Variants in FGFR2 observed in about 807,000 individuals in gnomAD.
FGFR2 encodes the protein fibroblast growth factor receptor 2.
A neutral mutation model predicts 95.9 loss-of-function variants in FGFR2; 19 were observed. The observed-to-expected ratio is 0.20, with a 90% CI of 0.14 to 0.29. The LOEUF (loss-of-function observed/expected upper bound fraction) is 0.29, where lower values mean the gene tolerates loss of function less well. Ranked by LOEUF, FGFR2 falls within the 10% of genes least tolerant of loss-of-function variation. FGFR2 has a pLI of 1.00. For synonymous variants in FGFR2, 392 were observed against 393.3 expected (o/e 1.00, Z 0.04); for missense variants, 707 against 1,056.9 (o/e 0.67, Z 4.59).
At chr10:121,528,703 A>C (rs1447252101) in intron 6 of FGFR2, among the ~76,000 whole-genome samples, 1 of 152,198 alleles carries the variant, frequency 6.6e-6, no homozygotes, top group Admixed American at 6.5e-5. Context: ...AGAAACTGAA[A>C]ATAATCACGG....
chr10:121,510,743 A>G (rs1848949227), intron 9 of FGFR2, among the ~76,000 whole-genome samples: 1 of 151,706 alleles, frequency 6.6e-6, no homozygotes, highest in Admixed American at 6.6e-5. Context: ...TTGCCTCAAA[A>G]GTATTGCTAC....
intron 6 of FGFR2, chr10:121,538,263 G>T (rs1398023164): frequency 7.0e-6 from 5 of 713,976 alleles, no homozygotes; most frequent in Non-Finnish European, 1.3e-5. Context: ...GTCTGCTACA[G>T]CACATCTGTA....
At chr10:121,593,160 G>A (rs567839322) in intron 2 of FGFR2, among the ~76,000 whole-genome samples, 1 of 152,256 alleles carries the variant, frequency 6.6e-6, no homozygotes, top group Admixed American at 6.5e-5. Flanking sequence ...GCCACTCTGT[G>A]ATGATGCATT....
At chr10:121,569,216 TTTC>T (rs1258681932) in intron 2 of FGFR2, among the ~76,000 whole-genome samples, 1 of 148,554 alleles carries the variant, frequency 6.7e-6, no homozygotes, top group Non-Finnish European at 1.5e-5. Flanking sequence ...TTTCTTTTCT[TTTC>T]TTTTCTTTTT....
intron 9 of FGFR2, among the ~76,000 whole-genome samples, chr10:121,504,739 G>C (rs1848059172): frequency 2.6e-5 from 4 of 152,278 alleles, no homozygotes; most frequent in Middle Eastern, 3.4e-3. Context: ...GCTCCACCGA[G>C]TTACTTTCTT....
At chr10:121,547,812 G>T (rs1432491995) in intron 5 of FGFR2, among the ~76,000 whole-genome samples, 1 of 152,170 alleles carries the variant, frequency 6.6e-6, no homozygotes, top group African/African-American at 2.4e-5. Flanking sequence ...GACTCTCTGA[G>T]GCAAACGCAG....
intron 9 of FGFR2, among the ~76,000 whole-genome samples, chr10:121,511,385 C>G (rs867650485): frequency 2.0e-5 from 3 of 152,162 alleles, no homozygotes; most frequent in South Asian, 4.1e-4. Context: ...CAACACCGCA[C>G]GTCTCCTAAA....
intron 13 of FGFR2, among the ~76,000 whole-genome samples, chr10:121,496,105 A>G (rs918011879): frequency 4.6e-5 from 7 of 152,110 alleles, no homozygotes; most frequent in African/African-American, 1.7e-4. Context: ...AGAATATTTA[A>G]TGCCATATCA....
At chr10:121,482,625 T>A (rs1844907521) in intron 17 of FGFR2, among the ~76,000 whole-genome samples, 1 of 152,232 alleles carries the variant, frequency 6.6e-6, no homozygotes. Flanking sequence ...TAACAATTTC[T>A]CTATCTTAAG....
chr10:121,489,179 TCTC>T (rs1313342015), intron 13 of FGFR2, among the ~76,000 whole-genome samples: 1 of 152,142 alleles, frequency 6.6e-6, no homozygotes, highest in Non-Finnish European at 1.5e-5. Flanking sequence ...TTCAAGCGAT[TCTC>T]CTGCCTCAGC....
intron 5 of FGFR2, among the ~76,000 whole-genome samples, chr10:121,539,442 A>G (rs1853363590): frequency 6.6e-6 from 1 of 152,236 alleles, no homozygotes; most frequent in Non-Finnish European, 1.5e-5. Flanking sequence ...TGTGAAAATC[A>G]GCTGTTGTGA....
intron 4 of FGFR2, 96 bp downstream of exon 4, chr10:121,564,406 G>C (rs1857375554): frequency 8.6e-7 from 1 of 1,157,614 alleles, no homozygotes; most frequent in East Asian, 2.3e-5. Context: ...GCGGGACACA[G>C]CATGGCGCAG....
intron 4 of FGFR2, among the ~76,000 whole-genome samples, chr10:121,556,857 C>T (rs1856238093): frequency 6.6e-6 from 1 of 152,166 alleles, no homozygotes; most frequent in Non-Finnish European, 1.5e-5. Flanking sequence ...ATAATTAGGG[C>T]TTTTAAAAAT....
chr10:121,533,164 G>A (rs916336967), intron 6 of FGFR2, among the ~76,000 whole-genome samples: 7 of 152,150 alleles, frequency 4.6e-5, no homozygotes, highest in Non-Finnish European at 7.3e-5. Flanking sequence ...CGAGGCGGGC[G>A]GATCACTCCA....
In FGFR2 at chr10:121,517,389, C is replaced by T. The variant is rs867211684; in HGVS notation, c.1014G>A (p.Gly338=). The change falls in exon 8 of 18, where the codon GGG becomes GGA. Residue 338 remains glycine, a synonymous_variant. Coordinates refer to ENST00000358487, the MANE Select transcript of FGFR2 (RefSeq NM_000141.5). This position sits in a 1 kb window ranked among gnomAD's most constrained non-coding sequence, Gnocchi z 4.7. The part of the protein sequence containing the change: ...YIRNVTFEDA[G]EYTCLAGNSI... ...AATTACCCGCCAAGCACGTATATTCCCCAGCGTCCTCAAAAGTTACATTCC... is the reference window on the plus strand; with the variant it reads ...AATTACCCGCCAAGCACGTATATTCTCCAGCGTCCTCAAAAGTTACATTCC... The T allele has an allele frequency of 6.2e-7, 1 of 1,614,116 alleles. No individual in the cohort carries two copies. The highest frequency in any genetic ancestry group is 1.1e-5 in the South Asian group (1 of 91,078).
At chr10:121,545,757 T>C (rs1854408014) in intron 5 of FGFR2, among the ~76,000 whole-genome samples, 1 of 152,230 alleles carries the variant, frequency 6.6e-6, no homozygotes, top group Admixed American at 6.5e-5. Flanking sequence ...CTAGAAAATG[T>C]AAATCTAATT....
intron 4 of FGFR2, among the ~76,000 whole-genome samples, chr10:121,559,474 C>T (rs1308399476): frequency 3.3e-5 from 5 of 152,246 alleles, no homozygotes; most frequent in African/African-American, 1.2e-4. Context: ...TCAGCCGCCC[C>T]AGGCTGCACC....
Position 121,488,758 on chromosome 10 carries a change from T to C in FGFR2, c.1864-645A>G, listed in dbSNP as rs151262637. Reference sequence around the variant, plus strand: ...TTGTCCAGCCACACCAGTGTCTTTCTTTCAGCTGCTTATAGATCTGTATCT... The same window carrying C: ...TTGTCCAGCCACACCAGTGTCTTTCCTTCAGCTGCTTATAGATCTGTATCT... On this transcript the variant is annotated intron_variant, in intron 13 of 17. Transcript: ENST00000358487. 3.6e-3 allele frequency among the ~76,000 whole-genome samples: 541 copies of C among 152,308 alleles called. 2 individuals carry two copies. The highest frequency in any genetic ancestry group is 0.013 in the African/African-American group (528 of 41,562).
intron 2 of FGFR2, among the ~76,000 whole-genome samples, chr10:121,582,083 C>A (rs1396169808): frequency 6.6e-6 from 1 of 152,108 alleles, no homozygotes; most frequent in Non-Finnish European, 1.5e-5. Context: ...AGGTGCCTGC[C>A]ACCACCCCCG....
Sources: gnomAD v4.1 joint callset for allele counts (sites outside exome capture counted in the v4.1 genomes callset) on GRCh38, gnomAD v4.1.1 for gene constraint, Gnocchi (gnomAD v3.1) non-coding constraint, MANE v1.5 for transcripts, NCBI Gene and HGNC (gene_info 2026-07-23, HGNC 2026-07-21) for gene names.